Variants in OSBPL10 observed in about 807,000 individuals in gnomAD.
OSBPL10 encodes the protein oxysterol binding protein like 10.
Under a neutral mutation model 81.7 loss-of-function variants are expected in OSBPL10, and 49 were observed. The observed-to-expected ratio is 0.60, with a 90% CI of 0.48 to 0.76. The LOEUF (loss-of-function observed/expected upper bound fraction) is 0.76, where lower values mean the gene tolerates loss of function less well. OSBPL10 is among the 30% of genes least tolerant of loss of function. OSBPL10 has a pLI of 0.00. For synonymous variants in OSBPL10, 419 were observed against 383.6 expected, an observed-to-expected ratio of 1.09 and a Z score of -1.08; for missense variants, 923 against 987.8, an observed-to-expected ratio of 0.93 and a Z score of 0.88.
At chr3:31,682,195 T>A (rs757836763) in intron 8 of OSBPL10, among the ~76,000 whole-genome samples, 3 of 151,976 alleles carry the variant, frequency 2.0e-5, no homozygotes, top group Admixed American at 6.6e-5. Context: ...TCCTCCCTAG[T>A]CTCCTTGTTT....
At chr3:31,962,674 T>C (rs1406307555) in intron 1 of OSBPL10, among the ~76,000 whole-genome samples, 1 of 152,220 alleles carries the variant, frequency 6.6e-6, no homozygotes, top group Non-Finnish European at 1.5e-5. Context: ...CACTAAGTTG[T>C]AACGCAAGCT....
chr3:31,980,555 G>T (rs903478717), intron 1 of OSBPL10, among the ~76,000 whole-genome samples: 8 of 152,224 alleles, frequency 5.3e-5, no homozygotes, highest in African/African-American at 1.7e-4. Context: ...TCATTCTTCA[G>T]GCGTGCGGGA....
intron 3 of OSBPL10, among the ~76,000 whole-genome samples, chr3:31,839,586 C>T (rs112953665): frequency 2.6e-5 from 4 of 152,040 alleles, no homozygotes; most frequent in African/African-American, 9.6e-5. Context: ...GAGAAGGTAA[C>T]ATTTGATTAA....
At chr3:32,024,844 A>G (rs1261924556) in intron 2 of OSBPL10, among the ~76,000 whole-genome samples, 1 of 152,090 alleles carries the variant, frequency 6.6e-6, no homozygotes, top group Non-Finnish European at 1.5e-5. Context: ...AGCTTTGTAT[A>G]TTGCTTTTGT....
chr3:31,825,894 T>C (rs1221427848), intron 4 of OSBPL10, among the ~76,000 whole-genome samples: 3 of 152,344 alleles, frequency 2.0e-5, no homozygotes, highest in African/African-American at 4.8e-5. Context: ...AATGTACATA[T>C]ATTATTCTGT....
At chr3:31,810,122 C>T (rs1328211833) in intron 4 of OSBPL10, among the ~76,000 whole-genome samples, 3 of 152,124 alleles carry the variant, frequency 2.0e-5, no homozygotes, top group Non-Finnish European at 4.4e-5. Context: ...CCACCCACCT[C>T]AGCCTCCCAA....
chr3:31,958,965 T>G (rs888030980), intron 1 of OSBPL10, among the ~76,000 whole-genome samples: 2 of 152,162 alleles, frequency 1.3e-5, no homozygotes, highest in Non-Finnish European at 2.9e-5. Context: ...GGAAACTCAT[T>G]AATGCACCAT....
chr3:31,766,888 A>G (rs1294660399), intron 4 of OSBPL10, among the ~76,000 whole-genome samples: 1 of 152,210 alleles, frequency 6.6e-6, no homozygotes, highest in African/African-American at 2.4e-5. Flanking sequence ...ATAAACACCC[A>G]GCTGTAACCA....
intron 2 of OSBPL10, among the ~76,000 whole-genome samples, chr3:31,992,674 G>A (rs1010002499): frequency 6.6e-6 from 1 of 152,124 alleles, no homozygotes; most frequent in Non-Finnish European, 1.5e-5. Context: ...AACAAGTGAT[G>A]GAACTAGACA....
At chr3:31,926,257 T>A (rs1697069808) in intron 1 of OSBPL10, among the ~76,000 whole-genome samples, 1 of 144,534 alleles carries the variant, frequency 6.9e-6, no homozygotes, top group Non-Finnish European at 1.5e-5. Context: ...TTATAAAGCA[T>A]AAACCGGTGG....
intron 1 of OSBPL10, among the ~76,000 whole-genome samples, chr3:32,047,732 G>A (rs1375834718): frequency 1.3e-5 from 2 of 150,992 alleles, no homozygotes; most frequent in African/African-American, 2.4e-5. Flanking sequence ...GTGCGATCTC[G>A]GCTCACTGCA....
At chr3:31,742,664 T>C (rs1384484926) in intron 5 of OSBPL10, among the ~76,000 whole-genome samples, 1 of 152,198 alleles carries the variant, frequency 6.6e-6, no homozygotes, top group Non-Finnish European at 1.5e-5. Flanking sequence ...GTTACAGGCA[T>C]CTGCCCGAAC....
chr3:32,015,321 A>C (rs1304788365), intron 2 of OSBPL10, among the ~76,000 whole-genome samples: 1 of 152,188 alleles, frequency 6.6e-6, no homozygotes, highest in Admixed American at 6.5e-5. Context: ...TCTTTGACAA[A>C]CCTGACAATA....
At chr3:31,867,213 A>T (rs1396872494) in intron 3 of OSBPL10, among the ~76,000 whole-genome samples, 2 of 152,194 alleles carry the variant, frequency 1.3e-5, no homozygotes, top group African/African-American at 2.4e-5. Context: ...AAACCAGGTC[A>T]TTAGTAAGCG....
intron 2 of OSBPL10, among the ~76,000 whole-genome samples, chr3:32,038,450 T>C (rs1699540680): frequency 6.6e-6 from 1 of 152,034 alleles, no homozygotes; most frequent in Non-Finnish European, 1.5e-5. Flanking sequence ...GCCTCCGGAG[T>C]AGCTGGGATT....
chr3:32,028,415 A>G (rs1180472735), intron 2 of OSBPL10, among the ~76,000 whole-genome samples: 1 of 152,222 alleles, frequency 6.6e-6, no homozygotes, highest in Admixed American at 6.5e-5. Flanking sequence ...CCAATTGCTT[A>G]AACCAAAGAC....
chr3:31,729,239 A>C (rs1696893526), intron 6 of OSBPL10, among the ~76,000 whole-genome samples: 1 of 151,724 alleles, frequency 6.6e-6, no homozygotes, highest in Non-Finnish European at 1.5e-5. Flanking sequence ...GTCATTCAGG[A>C]TGGGTTTATC....
chr3:31,688,498 T>C (rs1025148854), intron 7 of OSBPL10, among the ~76,000 whole-genome samples: 1 of 152,134 alleles, frequency 6.6e-6, no homozygotes, highest in Non-Finnish European at 1.5e-5. Flanking sequence ...GGCTCTTTTG[T>C]TCTTATTAAT....
chr3:31,735,579 T>C (rs1194299470), intron 5 of OSBPL10, among the ~76,000 whole-genome samples: 1 of 152,230 alleles, frequency 6.6e-6, no homozygotes, highest in East Asian at 1.9e-4. Context: ...TCAAGTCACA[T>C]CAGTATTTTT....
Sources: allele counts gnomAD v4.1 joint callset (sites outside exome capture counted in the v4.1 genomes callset), GRCh38; gene constraint gnomAD v4.1.1; transcripts MANE v1.5; gene names NCBI Gene and HGNC (gene_info 2026-07-23, HGNC 2026-07-21).